The following HOMER3 variants were observed in gnomAD, a reference collection of about 807,000 sequenced individuals.
HOMER3 encodes the protein homer scaffold protein 3.
In HOMER3, 34 loss-of-function variants were observed where a neutral mutation model predicts 45.5. The ratio of observed to expected loss-of-function variants is 0.75; its 90% CI spans 0.57 to 1.00. The LOEUF (loss-of-function observed/expected upper bound fraction) is 1.00. HOMER3 is among the 50% of genes least tolerant of loss of function. The pLI is 0.00. For synonymous variants in HOMER3, 223 were observed against 208.8 expected, an observed-to-expected ratio of 1.07 and a Z score of -0.58; for missense variants, 480 against 497.5, an observed-to-expected ratio of 0.96 and a Z score of 0.33.
At chr19:18,937,891 C>T (rs2057110818) in intron 4 of HOMER3, among the ~76,000 whole-genome samples, 1 of 151,690 alleles carries the variant, frequency 6.6e-6, no homozygotes, top group Non-Finnish European at 1.5e-5. Context: ...GAGCTACAGG[C>T]AGTAGAACTA....
intron 9 of HOMER3, 70 bp from the exon 10 acceptor site, chr19:18,929,704 C>T: frequency 7.7e-7 from 1 of 1,302,546 alleles, no homozygotes; most frequent in Non-Finnish European, 1.0e-6. Flanking sequence ...CATCCAGAGT[C>T]TGACCACCTT....
intron 4 of HOMER3, among the ~76,000 whole-genome samples, chr19:18,936,301 G>T (rs1568340059): frequency 6.9e-6 from 1 of 145,740 alleles, no homozygotes; most frequent in African/African-American, 2.5e-5. Context: ...GGACAAGAGT[G>T]AAACTCTGTC....
In HOMER3 at chr19:18,929,353, T is replaced by TC; in HGVS notation, c.*89dup. ...CCAGGGCTAAGTTGGGACCCCCCAG[T>TC]CCCTTTCCAGGACGAATGGGCCCAA... On this transcript the variant is annotated 3_prime_UTR_variant, in exon 10 of 10. Coordinates refer to ENST00000392351, the MANE Select transcript of HOMER3 (RefSeq NM_004838.4). 1 of 1,440,388 alleles carries TC rather than the reference T, an allele frequency of 6.9e-7. No homozygotes were observed. The highest frequency in any genetic ancestry group is 1.1e-5 in the South Asian group (1 of 87,200). 89.2% of individuals were successfully genotyped at this position (1,440,388 alleles called of 1,614,324 possible).
At chr19:18,939,521 AT>A (rs2057132214) in intron 1 of HOMER3, 1 of 152,904 alleles carries the variant, frequency 6.5e-6, no homozygotes, top group African/African-American at 2.4e-5. Context: ...AGCAGACCCC[AT>A]CTTTCTTTGT....
At chr19:18,934,868 TTTG>T (rs1474135617) in intron 4 of HOMER3, among the ~76,000 whole-genome samples, 1 of 117,160 alleles carries the variant, frequency 8.5e-6, no homozygotes, top group African/African-American at 2.8e-5. Context: ...TTTCCTGTTT[TTTG>T]TTTTTTTTTT....
chr19:18,933,637 C>T (rs2057062117), intron 5 of HOMER3, among the ~76,000 whole-genome samples: 3 of 152,196 alleles, frequency 2.0e-5, no homozygotes, highest in African/African-American at 7.2e-5. Flanking sequence ...ATAAATAATG[C>T]TGAATAAATT....
intron 4 of HOMER3, 26 bp downstream of exon 4, chr19:18,938,327 T>C (rs79263742): frequency 1.5e-4 from 243 of 1,592,130 alleles, no homozygotes; most frequent in Non-Finnish European, 2.0e-4. Context: ...ATCGGTTCCC[T>C]CCACTCTCCC....
chr19:18,934,490 G>C, intron 4 of HOMER3, 80 bp from the exon 5 acceptor site: 1 of 782,240 alleles, frequency 1.3e-6, no homozygotes, highest in Non-Finnish European at 1.9e-6. Flanking sequence ...TGACAGCCCC[G>C]CCACTTTCGA....
At chr19:18,934,868 T>G (rs968749561) in intron 4 of HOMER3, among the ~76,000 whole-genome samples, 1 of 117,160 alleles carries the variant, frequency 8.5e-6, no homozygotes, top group African/African-American at 2.8e-5. Context: ...TTTCCTGTTT[T>G]TTGTTTTTTT....
chr19:18,937,325 AG>A (rs990266680), intron 4 of HOMER3, among the ~76,000 whole-genome samples: 2 of 141,016 alleles, frequency 1.4e-5, no homozygotes, highest in Admixed American at 7.0e-5. Flanking sequence ...AAAAAAAAAA[AG>A]AAGGGAGGGA....
chr19:18,938,727 C>T lies in HOMER3; in HGVS notation c.171+1G>A, dbSNP rs2057121447. The T allele has an allele frequency of 1.3e-6, 2 of 1,559,284 alleles. No homozygotes were observed. Among genetic ancestry groups the T allele is most frequent in the Non-Finnish European group, 1.8e-6 (2 of 1,142,584 alleles). On this transcript the variant is annotated splice_donor_variant, in intron 3 of 9. Coordinates refer to ENST00000392351, the MANE Select transcript of HOMER3 (RefSeq NM_004838.4). LOFTEE classifies it high-confidence loss of function. ...CTGCCCCACCCAGACCCCACCCTGA[C>T]CTTGGCGCCTCCGATGCTGATGATG...
intron 4 of HOMER3, 121 bp downstream of exon 4, chr19:18,938,232 C>T (rs933884814): frequency 1.8e-6 from 2 of 1,134,794 alleles, no homozygotes; most frequent in East Asian, 4.8e-5. Flanking sequence ...TCAACTCATC[C>T]TACAATCCCA....
At chr19:18,929,775 C>T (rs2057010414) in intron 9 of HOMER3, 141 bp from the exon 10 acceptor site, 1 of 611,322 alleles carries the variant, frequency 1.6e-6, no homozygotes, top group African/African-American at 1.9e-5. Flanking sequence ...ATAAAATGCA[C>T]ACCCCACAGG....
intron 4 of HOMER3, among the ~76,000 whole-genome samples, 183 bp downstream of exon 4, chr19:18,938,170 A>C (rs963709195): frequency 2.6e-5 from 4 of 151,664 alleles, no homozygotes; most frequent in African/African-American, 4.9e-5. Context: ...CAAAAAAAAA[A>C]CAGAAAAATG....
At chr19:18,938,250 G>A in intron 4 of HOMER3, 103 bp downstream of exon 4, 1 of 1,294,906 alleles carries the variant, frequency 7.7e-7, no homozygotes, top group Non-Finnish European at 1.1e-6. Context: ...CCATCCTGCA[G>A]ATGGGAAGAT....
At position 18,938,897 on chromosome 19, in the gene HOMER3, A is replaced by G. The variant is rs1426398390; in HGVS notation, c.15-13T>C. Reference sequence around the variant, plus strand: ...GATTGGCTGCTCCCTGCGTGGGGAGAGGGTGTTTGGTGGGGGCCAGGCACC... The same window carrying G: ...GATTGGCTGCTCCCTGCGTGGGGAGGGGGTGTTTGGTGGGGGCCAGGCACC... On this transcript the variant is annotated splice_polypyrimidine_tract_variant and intron_variant, in intron 2 of 9. Coordinates refer to ENST00000392351, the MANE Select transcript of HOMER3 (RefSeq NM_004838.4). 2 of 1,604,500 alleles carry G rather than the reference A, an allele frequency of 1.2e-6. No homozygotes were observed. Among genetic ancestry groups the G allele is most frequent in the Non-Finnish European group, 1.7e-6 (2 of 1,176,024 alleles).
At position 18,938,711 on chromosome 19, in the gene HOMER3, C is replaced by T. The variant is rs1267340349; in HGVS notation, c.171+17G>A. 1 of 1,555,286 alleles carries T rather than the reference C, an allele frequency of 6.4e-7. No homozygotes were observed. The highest frequency in any genetic ancestry group is 1.8e-5 in the Admixed American group (1 of 54,584). ...AGGACTCCTGGTGCCTCTGCCCCAC[C>T]CAGACCCCACCCTGACCTTGGCGCC... is the stretch of plus-strand genomic sequence containing the variant. On this transcript the variant is annotated intron_variant, in intron 3 of 9. Transcript: ENST00000392351.
At chr19:18,931,710 T>C in intron 7 of HOMER3, 85 bp from the exon 8 acceptor site, 1 of 1,517,978 alleles carries the variant, frequency 6.6e-7, no homozygotes, top group Non-Finnish European at 8.8e-7. Context: ...GCCTCCTGTC[T>C]GGCCACGCCC....
chr19:18,937,804 G>C (rs1172638972), intron 4 of HOMER3, among the ~76,000 whole-genome samples: 1 of 152,118 alleles, frequency 6.6e-6, no homozygotes, highest in Non-Finnish European at 1.5e-5. Context: ...GTATTGCTGG[G>C]GCATGTGGGA....
Sources: allele counts gnomAD v4.1 joint callset (sites outside exome capture counted in the v4.1 genomes callset), GRCh38; gene constraint gnomAD v4.1.1; transcripts MANE v1.5; gene names NCBI Gene and HGNC (gene_info 2026-07-23, HGNC 2026-07-21).